The following ZFPM1 variants were observed in gnomAD, a reference collection of about 807,000 sequenced individuals.
ZFPM1 encodes zinc finger protein ZFPM1.
Under a neutral mutation model 46.3 loss-of-function variants are expected in ZFPM1, and 28 were observed. That is an observed-to-expected ratio of 0.60 (90% CI 0.45 to 0.83). The LOEUF is 0.83. ZFPM1 is among the 40% of genes least tolerant of loss of function. ZFPM1 has a pLI of 0.00. For missense variants in ZFPM1, 1,878 were observed against 1,432.4 expected, an observed-to-expected ratio of 1.31 and a Z score of -5.02; for synonymous variants, 957 against 675.9, an observed-to-expected ratio of 1.42 and a Z score of -6.45.
intron 1 of ZFPM1, among the ~76,000 whole-genome samples, chr16:88,468,684 GC>G (rs1908272294): frequency 7.1e-6 from 1 of 140,650 alleles, no homozygotes; most frequent in Non-Finnish European, 1.6e-5. Flanking sequence ...CCAGGGCCCC[GC>G]CCCCCAGAGC....
In ZFPM1 at chr16:88,534,654, G is replaced by A. The variant is rs1414851267; in HGVS notation, c.2696G>A (p.Gly899Asp). The change falls in exon 10 of 10, where the codon GGC becomes GAC. Residue 899 changes from glycine (G) to aspartate (D), a missense_variant. Coordinates refer to ENST00000319555, the MANE Select transcript of ZFPM1 (RefSeq NM_153813.3). ...GVEARTPADR[G>D]PSPAPAPAAS... ...GAGGCCCGGACGCCGGCCGACCGCG[G>A]CCCCTCGCCCGCTCCCGCCCCCGCC... is the stretch of plus-strand genomic sequence containing the variant. The A allele has an allele frequency of 3.0e-6, 3 of 1,012,052 alleles. No homozygotes were observed. Among genetic ancestry groups the A allele is most frequent in the East Asian group, 1.0e-4 (1 of 9,936 alleles). 62.7% of individuals were successfully genotyped at this position (1,012,052 alleles called of 1,614,324 possible).
In ZFPM1 at chr16:88,533,483, C is replaced by A; in HGVS notation, c.1525C>A (p.Pro509Thr). 1 of 1,404,158 alleles carries A rather than the reference C, an allele frequency of 7.1e-7. No individual in the cohort carries two copies. 87.0% of individuals were successfully genotyped at this position (1,404,158 alleles called of 1,614,324 possible). The change falls in exon 10 of 10, where the codon CCG (proline) becomes ACG (threonine). Residue 509 changes from proline (P) to threonine (T), a missense_variant. Physicochemically the swap from Pro to Thr is conservative, Grantham distance 38 (BLOSUM62 -1). Transcript: ENST00000319555. ...CAAGGCCGAGCTGTCCAGCCCCACGCCGGGCTCCAGCCCGGTGCCCGGCGA... is the reference window on the plus strand; with the variant it reads ...CAAGGCCGAGCTGTCCAGCCCCACGACGGGCTCCAGCCCGGTGCCCGGCGA... ...RVKAELSSPT[P>T]GSSPVPGELG...
At position 88,470,364 on chromosome 16, in the gene ZFPM1, G is replaced by T. The variant is rs1908358862; in HGVS notation, c.41-15575G>T. Among the ~76,000 whole-genome samples the T allele has an allele frequency of 2.0e-5, 3 of 152,214 alleles. No homozygotes were observed. In the South Asian group the frequency reaches 6.2e-4, roughly 31 times the overall value. On this transcript the variant is annotated intron_variant, in intron 1 of 9. Coordinates refer to ENST00000319555, the MANE Select transcript of ZFPM1 (RefSeq NM_153813.3). ...TGAGTGCCTGCTGTGTGCTGGGCAT[G>T]GTCCAGGGACCCCAGGTGACCTCAT...
At chr16:88,468,468 TG>T (rs1363027526) in intron 1 of ZFPM1, among the ~76,000 whole-genome samples, 4 of 152,160 alleles carry the variant, frequency 2.6e-5, no homozygotes, top group Non-Finnish European at 5.9e-5. Context: ...GGTTGGGACT[TG>T]GGGCCAGGTC....
rs559085407 is a variant in ZFPM1, at chr16:88,534,161, G to A, written c.2203G>A (p.Ala735Thr). The change falls in exon 10 of 10, where the codon GCC (alanine) becomes ACC (threonine). Residue 735 changes from alanine (A) to threonine (T), a missense_variant. Transcript: ENST00000319555. ...GGCCGCGCCCCCGGCCCCCTCTCCC[G>A]CCGCGCCTGTGCGCACGCGCAGACG... ...GPAAPPAPSP[A>T]APVRTRRRRK... 5.6e-5 allele frequency: 54 copies of A among 956,772 alleles called. 1 individual carries two copies. In the South Asian group the frequency reaches 2.5e-3, roughly 44 times the overall value. 59.3% of individuals were successfully genotyped at this position (956,772 alleles called of 1,614,324 possible). A position where few individuals can be genotyped will look rare whatever the true frequency, so the allele number is the denominator to read the frequency against.
In ZFPM1 at chr16:88,533,659, C is replaced by G. The variant is rs1336159516; in HGVS notation, c.1701C>G (p.Thr567=). 6.8e-7 allele frequency: 1 copy of G among 1,474,302 alleles called. No individual in the cohort carries two copies. The highest frequency in any genetic ancestry group is 1.5e-5 in the African/African-American group (1 of 66,978). The allele number at this position is 1,474,302 out of a possible 1,614,324, so 91.3% of individuals were successfully genotyped here. A position where few individuals can be genotyped will look rare whatever the true frequency, so the allele number is the denominator to read the frequency against. The part of the protein sequence containing the change: ...GAGAGAGGAQ[T]GLFPGAPKGA... ...GCGCGGGCGCCGGCGGCGCGCAGAC[C>G]GGGCTCTTCCCCGGGGCCCCCAAGG... Residue 567 remains threonine (T), a synonymous_variant, in exon 10 of 10, where the codon ACC becomes ACG. Coordinates refer to ENST00000319555, the MANE Select transcript of ZFPM1 (RefSeq NM_153813.3).
chr16:88,460,823 G>A (rs1907783909), intron 1 of ZFPM1, among the ~76,000 whole-genome samples: 1 of 152,180 alleles, frequency 6.6e-6, no homozygotes. Flanking sequence ...CGGGTGACAT[G>A]GTGCTCCTAC....
In ZFPM1 at chr16:88,534,297, G is replaced by A; in HGVS notation, c.2339G>A (p.Gly780Asp). ...GGAAGCGGAAGCGGAAGCGGCCCCG[G>A]CCTCGCCCCTGCGCGCTCGCCCGGC... is the stretch of plus-strand genomic sequence containing the variant. ...RPGSGSGSGP[G>D]LAPARSPGPA... Residue 780 changes from glycine (G) to aspartate (D), a missense_variant, in exon 10 of 10, where the codon GGC becomes GAC. Transcript: ENST00000319555. 8.0e-7 allele frequency: 1 copy of A among 1,245,424 alleles called. No individual in the cohort carries two copies. The highest frequency in any genetic ancestry group is 1.0e-6 in the Non-Finnish European group (1 of 995,202). The allele number at this position is 1,245,424 out of a possible 1,614,324, so 77.1% of individuals were successfully genotyped here.
chr16:88,532,631 T>A lies in ZFPM1; in HGVS notation c.964T>A (p.Cys322Ser). ...TGTTCCAGGAGAGCGGCCCTTCGTG[T>A]GCCTGATCTGCCTGTCGGCCTTCAC... ...RSHSGERPFV[C>S]LICLSAFTTK... Residue 322 changes from cysteine to serine, a missense_variant, in exon 8 of 10, where the codon TGC becomes AGC. Transcript: ENST00000319555. The A allele has an allele frequency of 6.3e-7, 1 of 1,578,082 alleles. No homozygotes were observed. The highest frequency in any genetic ancestry group is 8.6e-7 in the Non-Finnish European group (1 of 1,161,690).
intron 4 of ZFPM1, among the ~76,000 whole-genome samples, chr16:88,518,218 A>G (rs1035586761): frequency 4.0e-5 from 6 of 151,680 alleles, no homozygotes; most frequent in Non-Finnish European, 7.4e-5. Flanking sequence ...AAAAAAAAAA[A>G]TGAGTGGGTG....
chr16:88,526,963 G>A, intron 5 of ZFPM1, 47 bp downstream of exon 5: 1 of 1,528,980 alleles, frequency 6.5e-7, no homozygotes. Flanking sequence ...GGAAGGTGGG[G>A]GTCACTTGGC....
chr16:88,516,138 T>A, intron 4 of ZFPM1: 4 of 398,532 alleles, frequency 1.0e-5, no homozygotes, highest in Non-Finnish European at 1.8e-5. Context: ...CTCCAAGATG[T>A]TAAGTCAATT....
chr16:88,477,383 C>T (rs1188768785), intron 1 of ZFPM1, among the ~76,000 whole-genome samples: 1 of 152,026 alleles, frequency 6.6e-6, no homozygotes, highest in Non-Finnish European at 1.5e-5. Context: ...GTTTCTTTGC[C>T]TGAGACTGGG....
At position 88,473,697 on chromosome 16, in the gene ZFPM1, TC is replaced by T. The variant is rs1454231962; in HGVS notation, c.41-12238del. On this transcript the variant is annotated intron_variant, in intron 1 of 9. Coordinates refer to ENST00000319555, the MANE Select transcript of ZFPM1 (RefSeq NM_153813.3). ...TCACCCATCTGGGGAGGGGGGTCGC[TC>T]CCCAGCCCAGATTCTCGGGGCCGTG... 2.0e-5 allele frequency among the ~76,000 whole-genome samples: 3 copies of T among 151,842 alleles called. No individual in the cohort carries two copies. In the East Asian group the frequency reaches 5.8e-4, roughly 29 times the overall value.
chr16:88,456,889 A>T (rs1907584658), intron 1 of ZFPM1, among the ~76,000 whole-genome samples: 1 of 152,164 alleles, frequency 6.6e-6, no homozygotes, highest in Admixed American at 6.5e-5. Flanking sequence ...CACAGGCCAG[A>T]TAGAACCCTA....
At position 88,533,159 on chromosome 16, in the gene ZFPM1, A is replaced by G; in HGVS notation, c.1201A>G (p.Ser401Gly). 1 of 1,474,820 alleles carries G rather than the reference A, an allele frequency of 6.8e-7. No homozygotes were observed. The highest frequency in any genetic ancestry group is 9.0e-7 in the Non-Finnish European group (1 of 1,115,810). 91.4% of individuals were successfully genotyped at this position (1,474,820 alleles called of 1,614,324 possible). Residue 401 changes from serine to glycine, a missense_variant, in exon 10 of 10, where the codon AGC becomes GGC. Ser to Gly is a moderately conservative substitution (Grantham distance 56). Coordinates refer to ENST00000319555, the MANE Select transcript of ZFPM1 (RefSeq NM_153813.3). ...CGATCTCTCTGCAGACAGTCTGGGC[A>G]GCTTCCAGCAGCAGCACACGGCCCT... ...ATKLPPDSLG[S>G]FQQQHTALQG...
chr16:88,529,223 C>A (rs8059586), intron 6 of ZFPM1, among the ~76,000 whole-genome samples: 124,831 of 152,304 alleles, frequency 0.82, 52,674 homozygotes, highest in Non-Finnish European at 0.91. Flanking sequence ...AGGGAACACG[C>A]AGCAAGTCTG....
intron 3 of ZFPM1, among the ~76,000 whole-genome samples, chr16:88,499,776 A>G (rs1291189523): frequency 6.6e-6 from 1 of 152,142 alleles, no homozygotes; most frequent in Admixed American, 6.5e-5. Flanking sequence ...GGAGGGGCCG[A>G]GTGGGCACAG....
rs2279777 is a variant in ZFPM1, at chr16:88,535,073, C to T, written c.*94C>T. On this transcript the variant is annotated 3_prime_UTR_variant, in exon 10 of 10. Coordinates refer to ENST00000319555, the MANE Select transcript of ZFPM1 (RefSeq NM_153813.3). ...CCGCACGGACTGCCGCTCCTGGGAA[C>T]CCCGCCACGCACAGGCCTCGGCGGA... 293,510 of 1,324,274 alleles carry T rather than the reference C, an allele frequency of 0.22. 33,707 individuals carry two copies. Among genetic ancestry groups the T allele is most frequent in the South Asian group, 0.36 (17,586 of 49,188 alleles). The allele number at this position is 1,324,274 out of a possible 1,614,324, so 82.0% of individuals were successfully genotyped here. A position where few individuals can be genotyped will look rare whatever the true frequency, so the allele number is the denominator to read the frequency against.
Sources: gnomAD v4.1 joint callset for allele counts (sites outside exome capture counted in the v4.1 genomes callset) on GRCh38, gnomAD v4.1.1 for gene constraint, MANE v1.5 for transcripts, NCBI Gene and HGNC (gene_info 2026-07-23, HGNC 2026-07-21) for gene names.